The following VEGFD variants were observed in gnomAD, a reference collection of about 807,000 sequenced individuals.
The protein encoded by VEGFD is c-fos induced growth factor (vascular endothelial growth factor D).
In VEGFD, 26 loss-of-function variants were observed where a neutral mutation model predicts 28.0. That is an observed-to-expected ratio of 0.93 (90% CI 0.68 to 1.29). The LOEUF (loss-of-function observed/expected upper bound fraction) is 1.29. Among genes scored for constraint, VEGFD ranks in the 50% most tolerant of loss-of-function variants. The pLI, the probability that VEGFD is intolerant of heterozygous loss-of-function variation, is 0.00. For missense variants in VEGFD, 294 were observed against 273.4 expected (o/e 1.08, Z -0.53); for synonymous variants, 93 against 95.5 (o/e 0.97, Z 0.15).
chrX:15,368,083 AAAAG>A (rs1163292874), intron 1 of VEGFD, among the ~76,000 whole-genome samples: 232 of 99,390 alleles, frequency 2.3e-3, no homozygotes, highest in East Asian at 7.9e-3. Context: ...AGAAAGAAAG[AAAAG>A]AAAGAAAGAA....
Position 15,358,018 on chromosome X carries a change from C to G in VEGFD, c.477G>C (p.Ser159=), listed in dbSNP as rs747381804. 1.7e-6 allele frequency: 2 copies of G among 1,210,043 alleles called. No homozygotes were observed. Among genetic ancestry groups the G allele is most frequent in the East Asian group, 5.9e-5 (2 of 33,853 alleles). The part of the protein sequence containing the change: ...ESLICMNTST[S]YISKQLFEIS... Reference sequence around the variant, plus strand: ...GTCCTTATACCTGTTTGGAAATGTACGAGGTGCTGGTGTTCATACAGATAA... The same window carrying G: ...GTCCTTATACCTGTTTGGAAATGTAGGAGGTGCTGGTGTTCATACAGATAA... The change falls in exon 3 of 7, where the codon TCG becomes TCC. Residue 159 remains serine, a synonymous_variant. Transcript: ENST00000297904.
At chrX:15,379,222 A>G (rs1569188768) in intron 1 of VEGFD, among the ~76,000 whole-genome samples, 1 of 112,331 alleles carries the variant, frequency 8.9e-6, no homozygotes, top group African/African-American at 3.2e-5. Flanking sequence ...GCAAATTCCA[A>G]GAGAATTGAA....
chrX:15,370,604 TAATA>T (rs1923283051), intron 1 of VEGFD, among the ~76,000 whole-genome samples: 1 of 111,725 alleles, frequency 9.0e-6, no homozygotes, highest in Non-Finnish European at 1.9e-5. Context: ...AATTTATAAG[TAATA>T]AATACATACA....
intron 1 of VEGFD, among the ~76,000 whole-genome samples, chrX:15,380,274 AT>A (rs779252707): frequency 1.0e-3 from 115 of 112,432 alleles, no homozygotes; most frequent in Non-Finnish European, 1.9e-3. Flanking sequence ...GGAATTAAAT[AT>A]GGAAAATACA....
At chrX:15,373,370 A>G (rs1923358055) in intron 1 of VEGFD, among the ~76,000 whole-genome samples, 1 of 111,733 alleles carries the variant, frequency 8.9e-6, no homozygotes, top group South Asian at 3.7e-4. Flanking sequence ...CTTGTTCTAT[A>G]TATATGGAAA....
At chrX:15,362,260 A>AT (rs1334406023) in intron 2 of VEGFD, among the ~76,000 whole-genome samples, 1 of 111,612 alleles carries the variant, frequency 9.0e-6, no homozygotes, top group Admixed American at 9.5e-5. Context: ...AGTTTTGATC[A>AT]TTTTGTCTTG....
intron 4 of VEGFD, among the ~76,000 whole-genome samples, chrX:15,353,713 C>T (rs1244389459): frequency 9.3e-6 from 1 of 107,171 alleles, no homozygotes; most frequent in African/African-American, 3.4e-5. Flanking sequence ...GCACTCCAGC[C>T]GGGGCAACAA....
chrX:15,358,514 G>A (rs759978734), intron 2 of VEGFD, among the ~76,000 whole-genome samples: 25 of 111,904 alleles, frequency 2.2e-4, no homozygotes, highest in East Asian at 8.4e-4. Flanking sequence ...AAATAGAAGC[G>A]TGTAAAGAAA....
intron 1 of VEGFD, among the ~76,000 whole-genome samples, chrX:15,363,563 T>C (rs1434836240): frequency 1.8e-5 from 2 of 112,001 alleles, no homozygotes; most frequent in Non-Finnish European, 3.8e-5. Context: ...ACAAAGAAAA[T>C]TGTAGTGCAT....
chrX:15,355,624 A>C lies in VEGFD; in HGVS notation c.493-326T>G, dbSNP rs755079668. Reference sequence around the variant, plus strand: ...ATTTTATTAGAATAGATTATTATTCAAACTATTTATTCATCCCTTCTCACA... The same window carrying C: ...ATTTTATTAGAATAGATTATTATTCCAACTATTTATTCATCCCTTCTCACA... On this transcript the variant is annotated intron_variant, in intron 3 of 6. Transcript: ENST00000297904. Among the ~76,000 whole-genome samples, 12 of 112,552 alleles carry C rather than the reference A, an allele frequency of 1.1e-4. No homozygotes were observed. In the South Asian group the frequency reaches 1.5e-3, roughly 14 times the overall value.
At chrX:15,361,193 T>A (rs1236592495) in intron 2 of VEGFD, among the ~76,000 whole-genome samples, 2 of 112,482 alleles carry the variant, frequency 1.8e-5, no homozygotes, top group Non-Finnish European at 3.8e-5. Context: ...TGTCATTGAC[T>A]TTTTTTAGAT....
At chrX:15,381,598 A>G (rs946849828) in intron 1 of VEGFD, among the ~76,000 whole-genome samples, 4 of 111,581 alleles carry the variant, frequency 3.6e-5, no homozygotes, top group Non-Finnish European at 7.5e-5. Flanking sequence ...ATGTTTTCAC[A>G]CTACATTTTA....
At chrX:15,346,821 C>A (rs929558909) in intron 6 of VEGFD, among the ~76,000 whole-genome samples, 1 of 110,667 alleles carries the variant, frequency 9.0e-6, no homozygotes, top group Non-Finnish European at 1.9e-5. Flanking sequence ...ATCCCAGCTA[C>A]TTGGGAGGCT....
chrX:15,358,225 G>A, intron 2 of VEGFD, 32 bp from the exon 3 acceptor site: 1 of 1,157,513 alleles, frequency 8.6e-7, no homozygotes. Flanking sequence ...ACTGGGGCTA[G>A]CAGGTGGAAT....
chrX:15,378,883 T>C (rs1293654990), intron 1 of VEGFD, among the ~76,000 whole-genome samples: 5 of 111,148 alleles, frequency 4.5e-5, no homozygotes, highest in African/African-American at 1.6e-4. Flanking sequence ...CAGTCACACC[T>C]TACATGATCT....
At chrX:15,383,379 G>A (rs759509724) in intron 1 of VEGFD, among the ~76,000 whole-genome samples, 27 of 112,034 alleles carry the variant, frequency 2.4e-4, no homozygotes, top group Middle Eastern at 4.2e-3. Flanking sequence ...TTTTCTGGAT[G>A]GCAGCAATTG....
chrX:15,349,947 C>A (rs926637932), intron 5 of VEGFD, among the ~76,000 whole-genome samples: 2 of 111,620 alleles, frequency 1.8e-5, no homozygotes, highest in African/African-American at 6.5e-5. Context: ...GTCCACCCTG[C>A]GCCTCTCACT....
At chrX:15,368,035 GAAGA>G (rs200277470) in intron 1 of VEGFD, among the ~76,000 whole-genome samples, 17 of 37,461 alleles carry the variant, frequency 4.5e-4, no homozygotes, top group Admixed American at 1.8e-3. Context: ...AGAAAGGAAA[GAAGA>G]AAGAAAGAAA....
chrX:15,370,572 C>G (rs1430630041), intron 1 of VEGFD, among the ~76,000 whole-genome samples: 1 of 111,511 alleles, frequency 9.0e-6, no homozygotes, highest in Non-Finnish European at 1.9e-5. Flanking sequence ...GTAATAAGCA[C>G]GTAATACATA....
Sources: allele counts gnomAD v4.1 joint callset (sites outside exome capture counted in the v4.1 genomes callset), GRCh38; gene constraint gnomAD v4.1.1; transcripts MANE v1.5; gene names NCBI Gene and HGNC (gene_info 2026-07-23, HGNC 2026-07-21).